PARD3B: variants seen among roughly 807,000 people sequenced by gnomAD.
PARD3B encodes partitioning defective 3 homolog B.
A neutral mutation model predicts 130.2 loss-of-function variants in PARD3B; 103 were observed. The observed-to-expected ratio is 0.79, with a 90% CI of 0.67 to 0.93. The LOEUF (loss-of-function observed/expected upper bound fraction) is 0.93, where lower values mean the gene tolerates loss of function less well. Among genes scored for constraint, PARD3B ranks in the 40% least tolerant of loss-of-function variants. PARD3B has a pLI of 0.00. For missense variants in PARD3B, 1,609 were observed against 1,499.2 expected (o/e 1.07, Z -1.21); for synonymous variants, 583 against 553.2 (o/e 1.05, Z -0.76).
At chr2:204,563,310 G>T (rs763008696) in intron 1 of PARD3B, among the ~76,000 whole-genome samples, 5 of 144,858 alleles carry the variant, frequency 3.5e-5, no homozygotes, top group Non-Finnish European at 6.0e-5. Flanking sequence ...TACTGGATTA[G>T]GGTCCACCCT....
intron 18 of PARD3B, among the ~76,000 whole-genome samples, chr2:205,315,517 C>G (rs2042535823): frequency 6.6e-6 from 1 of 152,158 alleles, no homozygotes; most frequent in Non-Finnish European, 1.5e-5. Context: ...TTATCAGAGA[C>G]TCTAATTCAT....
chr2:205,025,309 T>A (rs1047238461), intron 3 of PARD3B, among the ~76,000 whole-genome samples: 1 of 152,178 alleles, frequency 6.6e-6, no homozygotes, highest in Non-Finnish European at 1.5e-5. Flanking sequence ...ATGGGCTTGC[T>A]GTGGCTGTGT....
intron 3 of PARD3B, among the ~76,000 whole-genome samples, chr2:204,996,586 C>T (rs1266660028): frequency 2.6e-5 from 4 of 151,526 alleles, no homozygotes; most frequent in Non-Finnish European, 4.4e-5. Context: ...AGGCAGGCCT[C>T]CTTGAGTTGT....
At chr2:204,559,256 A>G (rs1057011198) in intron 1 of PARD3B, among the ~76,000 whole-genome samples, 5 of 152,240 alleles carry the variant, frequency 3.3e-5, no homozygotes, top group Non-Finnish European at 7.3e-5. Flanking sequence ...TGAACAGGCA[A>G]CTTACAGAAT....
intron 2 of PARD3B, among the ~76,000 whole-genome samples, chr2:204,935,954 TATTAATTGAG>T (rs1688421356): frequency 6.6e-6 from 1 of 152,234 alleles, no homozygotes; most frequent in Non-Finnish European, 1.5e-5. Context: ...AATTATTTAA[TATTAATTGAG>T]TATACATTGT....
At chr2:205,104,399 C>T (rs767447540) in intron 4 of PARD3B, 27 bp from the exon 5 acceptor site, 6 of 1,487,916 alleles carry the variant, frequency 4.0e-6, no homozygotes, top group East Asian at 4.5e-5. Flanking sequence ...CACAGCATCA[C>T]ATGCTTATGA....
At chr2:205,474,679 A>T (rs2048964752) in intron 20 of PARD3B, among the ~76,000 whole-genome samples, 1 of 152,164 alleles carries the variant, frequency 6.6e-6, no homozygotes, top group Non-Finnish European at 1.5e-5. Context: ...CCTGGAATGG[A>T]AATGATGAAT....
intron 22 of PARD3B, among the ~76,000 whole-genome samples, chr2:205,587,775 G>A (rs372819895): frequency 7.9e-5 from 12 of 152,204 alleles, no homozygotes; most frequent in African/African-American, 1.4e-4. Flanking sequence ...TTCATCACAC[G>A]GAAAAGAGCT....
intron 2 of PARD3B, among the ~76,000 whole-genome samples, chr2:204,724,466 C>T (rs1339243210): frequency 1.3e-5 from 2 of 152,164 alleles, no homozygotes; most frequent in Non-Finnish European, 2.9e-5. Context: ...TGTCATTCAT[C>T]TAGGTATTCC....
chr2:204,718,409 C>T (rs571880675), intron 2 of PARD3B, among the ~76,000 whole-genome samples: 4 of 152,198 alleles, frequency 2.6e-5, no homozygotes, highest in Non-Finnish European at 5.9e-5. Flanking sequence ...GAAGCAGGTA[C>T]CTTCTTCACA....
chr2:204,894,349 A>G (rs2046563228), intron 2 of PARD3B, among the ~76,000 whole-genome samples: 1 of 152,154 alleles, frequency 6.6e-6, no homozygotes, highest in Non-Finnish European at 1.5e-5. Context: ...AAAAAACAGA[A>G]AAAGGACTAT....
intron 1 of PARD3B, among the ~76,000 whole-genome samples, chr2:204,620,010 C>T (rs1288695876): frequency 2.0e-5 from 3 of 152,038 alleles, no homozygotes; most frequent in African/African-American, 7.2e-5. Context: ...ACCTCTCTCT[C>T]TCTTTTTTTG....
intron 2 of PARD3B, among the ~76,000 whole-genome samples, chr2:204,855,280 C>G (rs555532344): frequency 9.9e-5 from 15 of 152,262 alleles, no homozygotes; most frequent in Non-Finnish European, 1.8e-4. Flanking sequence ...CGTGGTGGCT[C>G]ATGCCTGTTA....
intron 4 of PARD3B, 42 bp from the exon 5 acceptor site, chr2:205,104,384 A>G (rs766238604): frequency 1.9e-5 from 26 of 1,382,218 alleles, no homozygotes; most frequent in Non-Finnish European, 2.2e-5. Context: ...TTTCAATTCA[A>G]TATGCACAGC....
intron 19 of PARD3B, among the ~76,000 whole-genome samples, chr2:205,422,318 C>T (rs2046997630): frequency 6.6e-6 from 1 of 152,118 alleles, no homozygotes; most frequent in Admixed American, 6.5e-5. Flanking sequence ...GAGTGGATAG[C>T]GTCACAGATC....
At chr2:205,396,391 A>G (rs980442472) in intron 18 of PARD3B, among the ~76,000 whole-genome samples, 5 of 152,234 alleles carry the variant, frequency 3.3e-5, no homozygotes, top group Admixed American at 3.3e-4. Context: ...TCTGACAGCT[A>G]GTGGATACCT....
At chr2:205,524,500 A>C (rs1202703090) in intron 21 of PARD3B, among the ~76,000 whole-genome samples, 2 of 152,126 alleles carry the variant, frequency 1.3e-5, no homozygotes, top group African/African-American at 4.8e-5. Context: ...GGATAAGGGG[A>C]GAGCTTTCTA....
intron 2 of PARD3B, among the ~76,000 whole-genome samples, chr2:204,867,155 T>A (rs2045458292): frequency 6.6e-6 from 1 of 151,860 alleles, no homozygotes; most frequent in Non-Finnish European, 1.5e-5. Context: ...ATTTGTTGAT[T>A]TTTTTTTTCA....
intron 2 of PARD3B, among the ~76,000 whole-genome samples, chr2:204,948,508 G>T (rs187793163): frequency 6.6e-6 from 1 of 152,204 alleles, no homozygotes; most frequent in African/African-American, 2.4e-5. Context: ...CTAGATAAAT[G>T]GGTTCACCTT....
Sources: allele counts gnomAD v4.1 joint callset (sites outside exome capture counted in the v4.1 genomes callset), GRCh38; gene constraint gnomAD v4.1.1; transcripts MANE v1.5; gene names NCBI Gene and HGNC (gene_info 2026-07-23, HGNC 2026-07-21).